Variants in GALNTL6 observed in about 807,000 individuals in gnomAD.
GALNTL6 encodes polypeptide N-acetylgalactosaminyltransferase like 6.
Under a neutral mutation model 73.7 loss-of-function variants are expected in GALNTL6, and 46 were observed. The observed-to-expected ratio is 0.62, with a 90% confidence interval of 0.49 to 0.80. The LOEUF (loss-of-function observed/expected upper bound fraction) is 0.80. GALNTL6 is among the 30% of genes least tolerant of loss of function. The probability of loss-of-function intolerance (pLI) is 0.00; values close to 1 mark genes in which losing one functional copy is unlikely to be tolerated. For missense variants in GALNTL6, 604 were observed against 755.0 expected (o/e 0.80, Z 2.34); for synonymous variants, 259 against 263.7 (o/e 0.98, Z 0.17).
intron 5 of GALNTL6, among the ~76,000 whole-genome samples, chr4:172,370,787 G>A (rs1387163425): frequency 6.6e-6 from 1 of 152,116 alleles, no homozygotes. Flanking sequence ...TTTCTCAGCA[G>A]GGGGGAGGTC....
At chr4:172,274,532 A>G (rs1738763983) in intron 3 of GALNTL6, among the ~76,000 whole-genome samples, 1 of 152,186 alleles carries the variant, frequency 6.6e-6, no homozygotes. Flanking sequence ...GTGGTTGTTC[A>G]TATCTTTCTC....
intron 3 of GALNTL6, among the ~76,000 whole-genome samples, chr4:172,290,145 G>T (rs1056092403): frequency 6.6e-6 from 1 of 152,074 alleles, no homozygotes; most frequent in African/African-American, 2.4e-5. Flanking sequence ...TCTGCTGTGG[G>T]ATTAGTCTGC....
intron 5 of GALNTL6, among the ~76,000 whole-genome samples, chr4:172,539,019 C>G (rs1012063122): frequency 6.6e-6 from 1 of 152,108 alleles, no homozygotes; most frequent in African/African-American, 2.4e-5. Context: ...CTTATATTCA[C>G]TGGAAGAATG....
chr4:172,916,007 G>A (rs548863826), intron 8 of GALNTL6, among the ~76,000 whole-genome samples: 1 of 152,244 alleles, frequency 6.6e-6, no homozygotes, highest in South Asian at 2.1e-4. Flanking sequence ...ATAAAATACT[G>A]GCAAACTGAA....
chr4:172,259,172 G>T (rs981846783), intron 3 of GALNTL6, among the ~76,000 whole-genome samples: 51 of 151,438 alleles, frequency 3.4e-4, no homozygotes, highest in African/African-American at 1.2e-3. Flanking sequence ...GTATTTTAAG[G>T]AATCTCCGTA....
intron 5 of GALNTL6, among the ~76,000 whole-genome samples, chr4:172,787,783 A>C (rs2110917955): frequency 6.6e-6 from 1 of 152,254 alleles, no homozygotes; most frequent in African/African-American, 2.4e-5. Flanking sequence ...CCAAGCACGA[A>C]GTTTCAGAAG....
At chr4:172,063,093 C>T (rs1731257663) in intron 2 of GALNTL6, among the ~76,000 whole-genome samples, 1 of 152,204 alleles carries the variant, frequency 6.6e-6, no homozygotes, top group African/African-American at 2.4e-5. Flanking sequence ...AATTTCATCT[C>T]ATTTCCCTCT....
intron 10 of GALNTL6, among the ~76,000 whole-genome samples, chr4:172,989,497 C>G (rs770808331): frequency 1.2e-4 from 18 of 152,048 alleles, no homozygotes; most frequent in Admixed American, 3.9e-4. Context: ...ATTTGTGTCC[C>G]CACCCAAATC....
intron 3 of GALNTL6, among the ~76,000 whole-genome samples, chr4:172,288,084 GA>G (rs1249895491): frequency 2.1e-5 from 3 of 145,040 alleles, no homozygotes; most frequent in Non-Finnish European, 4.5e-5. Context: ...AATGTGGCTT[GA>G]TAGAATTGAT....
intron 2 of GALNTL6, among the ~76,000 whole-genome samples, chr4:172,162,929 T>G (rs1423037080): frequency 1.3e-5 from 2 of 152,070 alleles, no homozygotes; most frequent in Admixed American, 6.6e-5. Context: ...ATAATCAATG[T>G]TGAACACCCT....
At chr4:172,021,788 A>G (rs1356222777) in intron 2 of GALNTL6, among the ~76,000 whole-genome samples, 2 of 152,016 alleles carry the variant, frequency 1.3e-5, no homozygotes, top group Non-Finnish European at 2.9e-5. Context: ...ACAAATCCAT[A>G]TATCTACAGT....
chr4:172,620,364 G>A (rs1478208376), intron 5 of GALNTL6, among the ~76,000 whole-genome samples: 1 of 152,068 alleles, frequency 6.6e-6, no homozygotes, highest in Admixed American at 6.6e-5. Flanking sequence ...ATTTTAAAAG[G>A]GTGAAGATTA....
chr4:172,212,213 G>A (rs2110928483), intron 2 of GALNTL6, among the ~76,000 whole-genome samples: 1 of 152,012 alleles, frequency 6.6e-6, no homozygotes, highest in South Asian at 2.1e-4. Context: ...CCAGGCTGGA[G>A]TGCAGTGGTG....
At chr4:172,033,411 A>C (rs1741830680) in intron 2 of GALNTL6, among the ~76,000 whole-genome samples, 1 of 152,050 alleles carries the variant, frequency 6.6e-6, no homozygotes, top group Non-Finnish European at 1.5e-5. Context: ...CATACTTCAG[A>C]GTTTCTGTGG....
At chr4:172,131,313 A>G (rs1733486516) in intron 2 of GALNTL6, among the ~76,000 whole-genome samples, 1 of 150,604 alleles carries the variant, frequency 6.6e-6, no homozygotes, top group South Asian at 2.1e-4. Flanking sequence ...GAAAGAAAAT[A>G]TGAGGATCAT....
intron 7 of GALNTL6, among the ~76,000 whole-genome samples, chr4:172,850,052 T>C (rs1235080501): frequency 2.6e-5 from 4 of 152,166 alleles, no homozygotes; most frequent in African/African-American, 9.6e-5. Flanking sequence ...TGATCTGGCA[T>C]ATTTGGGTTT....
intron 8 of GALNTL6, among the ~76,000 whole-genome samples, chr4:172,893,320 A>G (rs898410938): frequency 3.4e-5 from 5 of 145,152 alleles, no homozygotes; most frequent in African/African-American, 1.4e-4. Flanking sequence ...CCTGTGTATC[A>G]CTCTTCTAAG....
intron 5 of GALNTL6, among the ~76,000 whole-genome samples, chr4:172,783,762 C>T (rs184466017): frequency 6.6e-6 from 1 of 152,058 alleles, no homozygotes; most frequent in African/African-American, 2.4e-5. Context: ...CAGTGATAAG[C>T]CCTGTTCAGC....
chr4:172,800,447 A>G (rs1012904294), intron 5 of GALNTL6, among the ~76,000 whole-genome samples: 2 of 152,186 alleles, frequency 1.3e-5, no homozygotes, highest in African/African-American at 4.8e-5. Context: ...CTACTTTGTA[A>G]CATTTACTGA....
Sources: allele counts gnomAD v4.1 joint callset (sites outside exome capture counted in the v4.1 genomes callset), GRCh38; gene constraint gnomAD v4.1.1; transcripts MANE v1.5; gene names NCBI Gene and HGNC (gene_info 2026-07-23, HGNC 2026-07-21).